The following WDFY4 variants were observed in gnomAD, a reference collection of about 807,000 sequenced individuals.
WDFY4 encodes the protein WDFY family member 4, also known as WD repeat- and FYVE domain-containing protein 4.
In WDFY4, 169 loss-of-function variants were observed where a neutral mutation model predicts 351.9. That is an observed-to-expected ratio of 0.48 (90% confidence interval 0.42 to 0.55). The LOEUF is 0.55. Among genes scored for constraint, WDFY4 ranks in the 20% least tolerant of loss-of-function variants. The probability of loss-of-function intolerance (pLI) is 0.00; values close to 1 mark genes in which losing one functional copy is unlikely to be tolerated. For missense variants in WDFY4, 3,803 were observed against 3,935.6 expected (o/e 0.97, Z 0.90); for synonymous variants, 1,622 against 1,574.6 (o/e 1.03, Z -0.71).
At chr10:48,790,616 G>A (rs1259222842) in intron 22 of WDFY4, 111 bp from the exon 23 acceptor site, 4 of 1,265,054 alleles carry the variant, frequency 3.2e-6, no homozygotes, top group Non-Finnish European at 4.4e-6. Context: ...CCCTCTGGCT[G>A]TGGATGGATG....
rs188326984 is a variant in WDFY4 at position 48,733,462 on chromosome 10, C to A, written c.1583-469C>A. On this transcript the variant is annotated intron_variant, in intron 9 of 61. Coordinates refer to ENST00000325239, the MANE Select transcript of WDFY4 (RefSeq NM_001394531.1). Reference sequence around the variant, plus strand: ...TACTCCAGGTTCTCTTGAGCTTCCCCATGACTCAGGAATGAGCAGGCAGTC... The same window carrying A: ...TACTCCAGGTTCTCTTGAGCTTCCCAATGACTCAGGAATGAGCAGGCAGTC... Among the ~76,000 whole-genome samples, 796 of 152,294 alleles carry A rather than the reference C, an allele frequency of 5.2e-3. 4 individuals carry two copies. The highest frequency in any genetic ancestry group is 7.1e-3 in the Non-Finnish European group (481 of 68,032).
intron 29 of WDFY4, 129 bp from the exon 30 acceptor site, chr10:48,811,410 A>T: frequency 1.3e-6 from 1 of 762,250 alleles, no homozygotes; most frequent in Non-Finnish European, 2.1e-6. Flanking sequence ...TCTATGTGTG[A>T]ATATATTTTA....
rs911301400 is a variant in WDFY4 at position 48,814,079 on chromosome 10, C to G, written c.5337C>G (p.Ser1779Arg). The change falls in exon 31 of 62, where the codon AGC becomes AGG. Residue 1779 changes from serine (S) to arginine (R), a missense_variant. Physicochemically the swap from Ser to Arg is moderately radical, Grantham distance 110. Transcript: ENST00000325239. Reference protein sequence around the residue: ...LLLEMLKATMSQPLAGSEDGA... With the variant: ...LLLEMLKATMRQPLAGSEDGA... Reference sequence around the variant, plus strand: ...TGGAAATGCTGAAGGCCACCATGAGCCAGGTGAGACCCATTCCCCACATGC... The same window carrying G: ...TGGAAATGCTGAAGGCCACCATGAGGCAGGTGAGACCCATTCCCCACATGC... 5 of 1,543,176 alleles carry G rather than the reference C, an allele frequency of 3.2e-6. No individual in the cohort carries two copies. The highest frequency in any genetic ancestry group is 4.4e-6 in the Non-Finnish European group (5 of 1,141,792).
intron 13 of WDFY4, among the ~76,000 whole-genome samples, chr10:48,769,702 A>G (rs1007002373): frequency 6.6e-6 from 1 of 152,156 alleles, no homozygotes; most frequent in African/African-American, 2.4e-5. Context: ...TAGGGGACCT[A>G]TTGCTCCAGG....
chr10:48,788,512 A>C lies in WDFY4; in HGVS notation c.3809-18A>C. The C allele has an allele frequency of 6.5e-7, 1 of 1,549,914 alleles. No individual in the cohort carries two copies. Among genetic ancestry groups the C allele is most frequent in the African/African-American group, 1.4e-5 (1 of 73,048 alleles). Reference sequence around the variant, plus strand: ...CTGTAAAGTTAGACTAGAAATGTTTAAAGATGTGTTGTTACAGGGGAGGAC... The same window carrying C: ...CTGTAAAGTTAGACTAGAAATGTTTCAAGATGTGTTGTTACAGGGGAGGAC... On this transcript the variant is annotated intron_variant, in intron 20 of 61. Coordinates refer to ENST00000325239, the MANE Select transcript of WDFY4 (RefSeq NM_001394531.1).
chr10:48,705,053 C>T (rs901383006), intron 1 of WDFY4, among the ~76,000 whole-genome samples: 1 of 152,132 alleles, frequency 6.6e-6, no homozygotes, highest in African/African-American at 2.4e-5. Flanking sequence ...GTGTTCAAAC[C>T]CCAGCAGTCT....
At position 48,970,799 on chromosome 10, in the gene WDFY4, G is replaced by A. The variant is rs763114211; in HGVS notation, c.8928+510G>A. ...AATGAGATGCAAAGAAGTTTAAGTG[G>A]TACATCCAAGGTCAAATGAAAGACT... On this transcript the variant is annotated intron_variant, in intron 57 of 61. Transcript: ENST00000325239. Among the ~76,000 whole-genome samples, 10 of 152,298 alleles carry A rather than the reference G, an allele frequency of 6.6e-5. No homozygotes were observed. In the South Asian group the frequency reaches 1.7e-3, roughly 25 times the overall value.
chr10:48,728,657 C>A (rs921876788), intron 7 of WDFY4, among the ~76,000 whole-genome samples: 1 of 152,230 alleles, frequency 6.6e-6, no homozygotes. Context: ...CTAGTGCCTT[C>A]CTCCAAAGGG....
intron 44 of WDFY4, among the ~76,000 whole-genome samples, chr10:48,892,400 G>A (rs756901473): frequency 6.6e-5 from 10 of 152,214 alleles, no homozygotes; most frequent in Non-Finnish European, 8.8e-5. Context: ...GTCTGAAAAT[G>A]TACTTCTCTA....
intron 59 of WDFY4, among the ~76,000 whole-genome samples, chr10:48,977,488 T>C (rs1842625844): frequency 6.6e-6 from 1 of 152,016 alleles, no homozygotes; most frequent in East Asian, 1.9e-4. Flanking sequence ...CATGTATCCA[T>C]CCATCCATCC....
chr10:48,732,999 C>T (rs1373651067), intron 9 of WDFY4, among the ~76,000 whole-genome samples: 2 of 152,358 alleles, frequency 1.3e-5, no homozygotes, highest in Admixed American at 6.5e-5. Flanking sequence ...TAACTTCTGT[C>T]CTTAAATCCC....
chr10:48,943,750 G>C (rs1840904328), intron 49 of WDFY4, among the ~76,000 whole-genome samples: 2 of 152,156 alleles, frequency 1.3e-5, no homozygotes, highest in Non-Finnish European at 2.9e-5. Flanking sequence ...GCACCACCAT[G>C]CCTGGCTAAT....
At chr10:48,879,280 C>T (rs965846529) in intron 43 of WDFY4, among the ~76,000 whole-genome samples, 3 of 152,174 alleles carry the variant, frequency 2.0e-5, no homozygotes, top group South Asian at 4.1e-4. Context: ...ATGGCCAGGG[C>T]GAGAGGATGC....
chr10:48,822,572 A>G (rs2067861094), intron 35 of WDFY4, 35 bp downstream of exon 35: 9 of 1,473,124 alleles, frequency 6.1e-6, no homozygotes, highest in Non-Finnish European at 8.2e-6. Context: ...ATCTGTGTGG[A>G]TCTGAATGAT....
At chr10:48,718,309 C>T (rs2063971841) in intron 2 of WDFY4, among the ~76,000 whole-genome samples, 1 of 152,086 alleles carries the variant, frequency 6.6e-6, no homozygotes, top group Non-Finnish European at 1.5e-5. Context: ...TGTGGCTTGC[C>T]TTTTCACTTT....
chr10:48,897,688 A>G, intron 45 of WDFY4, 114 bp downstream of exon 45: 1 of 1,456,110 alleles, frequency 6.9e-7, no homozygotes, highest in South Asian at 1.4e-5. Flanking sequence ...GTGCCTATGC[A>G]CAGCCCAGTG....
intron 35 of WDFY4, among the ~76,000 whole-genome samples, chr10:48,825,215 GT>G (rs1190527237): frequency 1.3e-5 from 2 of 152,122 alleles, no homozygotes; most frequent in East Asian, 3.9e-4. Flanking sequence ...GTGGTATTTA[GT>G]TTTTTGTTCT....
chr10:48,846,498 G>A (rs1014522803), intron 39 of WDFY4, among the ~76,000 whole-genome samples: 3 of 152,232 alleles, frequency 2.0e-5, no homozygotes, highest in Non-Finnish European at 4.4e-5. Flanking sequence ...GGTTTGCACA[G>A]GGCCTGAACT....
At chr10:48,951,236 A>G (rs1841307093) in intron 51 of WDFY4, among the ~76,000 whole-genome samples, 2 of 152,210 alleles carry the variant, frequency 1.3e-5, no homozygotes, top group Non-Finnish European at 2.9e-5. Context: ...TACAATCCAG[A>G]AAATATGGTA....
Sources: allele counts gnomAD v4.1 joint callset (sites outside exome capture counted in the v4.1 genomes callset), GRCh38; gene constraint gnomAD v4.1.1; transcripts MANE v1.5; gene names NCBI Gene and HGNC (gene_info 2026-07-23, HGNC 2026-07-21).